NKAIN2: variants seen among roughly 807,000 people sequenced by gnomAD.
NKAIN2 encodes the protein sodium/potassium-transporting ATPase subunit beta-1-interacting protein 2.
In NKAIN2, 14 loss-of-function variants were observed where a neutral mutation model predicts 32.6. That is an observed-to-expected ratio of 0.43 (90% CI 0.28 to 0.67). The LOEUF is 0.67. Ranked by LOEUF, NKAIN2 falls within the 30% of genes least tolerant of loss-of-function variation. The probability of loss-of-function intolerance (pLI) is 0.17; values close to 1 mark genes in which losing one functional copy is unlikely to be tolerated. For synonymous variants in NKAIN2, 80 were observed against 87.2 expected, an observed-to-expected ratio of 0.92 and a Z score of 0.46; for missense variants, 198 against 258.3, an observed-to-expected ratio of 0.77 and a Z score of 1.60.
At chr6:123,884,414 CAT>C (rs1296889933) in intron 1 of NKAIN2, among the ~76,000 whole-genome samples, 1 of 152,018 alleles carries the variant, frequency 6.6e-6, no homozygotes, top group East Asian at 1.9e-4. Context: ...AGGAAACAAA[CAT>C]AGGAATAAAG....
chr6:124,784,784 C>T (rs777705563), intron 4 of NKAIN2, among the ~76,000 whole-genome samples: 11 of 151,920 alleles, frequency 7.2e-5, no homozygotes, highest in African/African-American at 1.2e-4. Flanking sequence ...ATGGTAGTTG[C>T]GTGTTTAGTT....
intron 4 of NKAIN2, among the ~76,000 whole-genome samples, chr6:124,679,194 C>T (rs1266137572): frequency 6.6e-6 from 1 of 152,136 alleles, no homozygotes; most frequent in Non-Finnish European, 1.5e-5. Context: ...AACTCTTTCC[C>T]TCCCCTGGAA....
At chr6:123,841,378 G>A (rs1017736343) in intron 1 of NKAIN2, among the ~76,000 whole-genome samples, 3 of 152,164 alleles carry the variant, frequency 2.0e-5, no homozygotes, top group Non-Finnish European at 4.4e-5. Flanking sequence ...TCAGAGTATA[G>A]TATATGTGTT....
At chr6:123,951,118 G>A (rs558511220) in intron 1 of NKAIN2, among the ~76,000 whole-genome samples, 1 of 151,998 alleles carries the variant, frequency 6.6e-6, no homozygotes, top group Non-Finnish European at 1.5e-5. Context: ...TGTGTTCTGA[G>A]AAGATACTTG....
chr6:124,013,758 G>A (rs73559102), intron 1 of NKAIN2, among the ~76,000 whole-genome samples: 2,926 of 152,246 alleles, frequency 0.019, 95 homozygotes, highest in African/African-American at 0.065. Flanking sequence ...GTCTGTAAAT[G>A]CAGAAACTCT....
At chr6:124,424,536 T>C (rs1774899408) in intron 3 of NKAIN2, among the ~76,000 whole-genome samples, 1 of 152,146 alleles carries the variant, frequency 6.6e-6, no homozygotes, top group South Asian at 2.1e-4. Flanking sequence ...TTTTATACCC[T>C]TTAACCAACA....
At chr6:124,319,263 T>C (rs1797078496) in intron 2 of NKAIN2, among the ~76,000 whole-genome samples, 1 of 152,160 alleles carries the variant, frequency 6.6e-6, no homozygotes, top group Non-Finnish European at 1.5e-5. Flanking sequence ...TCAAGCTCAC[T>C]TCTATTTCCA....
At chr6:123,916,869 C>T (rs1490731967) in intron 1 of NKAIN2, among the ~76,000 whole-genome samples, 3 of 151,502 alleles carry the variant, frequency 2.0e-5, no homozygotes, top group Non-Finnish European at 4.4e-5. Context: ...TGTCATCTAC[C>T]TACCTACCTA....
At chr6:124,637,130 A>C (rs187513396) in intron 3 of NKAIN2, among the ~76,000 whole-genome samples, 16 of 152,234 alleles carry the variant, frequency 1.1e-4, no homozygotes, top group African/African-American at 3.8e-4. Flanking sequence ...AGAAGTAAGG[A>C]CAAGAACCAC....
At chr6:124,615,712 G>A (rs1036230444) in intron 3 of NKAIN2, among the ~76,000 whole-genome samples, 3 of 151,960 alleles carry the variant, frequency 2.0e-5, no homozygotes, top group Admixed American at 2.0e-4. Context: ...CTCTTCTTTT[G>A]GGATTGCAAT....
intron 3 of NKAIN2, among the ~76,000 whole-genome samples, chr6:124,486,642 A>G (rs916243318): frequency 3.9e-5 from 6 of 152,176 alleles, no homozygotes; most frequent in African/African-American, 1.4e-4. Context: ...TGTTACTACA[A>G]TCAGTAAGTT....
At chr6:123,819,643 A>G (rs1314682606) in intron 1 of NKAIN2, among the ~76,000 whole-genome samples, 1 of 152,188 alleles carries the variant, frequency 6.6e-6, no homozygotes, top group East Asian at 1.9e-4. Context: ...AATTAAAGCA[A>G]CGCAACGGAA....
At chr6:124,439,570 A>T (rs1775604368) in intron 3 of NKAIN2, among the ~76,000 whole-genome samples, 1 of 151,640 alleles carries the variant, frequency 6.6e-6, no homozygotes, top group South Asian at 2.1e-4. Flanking sequence ...AATTATTTTA[A>T]TGTCTAGAAA....
chr6:124,681,322 C>A (rs1055576678), intron 4 of NKAIN2, among the ~76,000 whole-genome samples: 3 of 151,958 alleles, frequency 2.0e-5, no homozygotes, highest in African/African-American at 4.8e-5. Context: ...ATCCTTTCTA[C>A]CTCCCACTAA....
intron 1 of NKAIN2, among the ~76,000 whole-genome samples, chr6:124,069,406 G>A (rs2114875908): frequency 6.6e-6 from 1 of 152,188 alleles, no homozygotes; most frequent in South Asian, 2.1e-4. Context: ...TCATCCACTT[G>A]GGGCAGCCGG....
intron 1 of NKAIN2, among the ~76,000 whole-genome samples, chr6:123,901,185 T>A (rs1250751467): frequency 6.6e-6 from 1 of 152,186 alleles, no homozygotes; most frequent in South Asian, 2.1e-4. Flanking sequence ...CTAATTTTAT[T>A]TGTTTGTTCT....
At chr6:124,093,024 T>C (rs992116531) in intron 1 of NKAIN2, among the ~76,000 whole-genome samples, 1 of 152,082 alleles carries the variant, frequency 6.6e-6, no homozygotes, top group African/African-American at 2.4e-5. Context: ...AATTTTAAAG[T>C]CTTACAGTCC....
intron 3 of NKAIN2, among the ~76,000 whole-genome samples, chr6:124,613,568 A>G (rs1476609385): frequency 6.6e-6 from 1 of 152,172 alleles, no homozygotes; most frequent in East Asian, 1.9e-4. Context: ...CCCTAGTCTC[A>G]TATGCCATTT....
chr6:124,011,009 T>C (rs1277269676), intron 1 of NKAIN2, among the ~76,000 whole-genome samples: 1 of 152,198 alleles, frequency 6.6e-6, no homozygotes, highest in Admixed American at 6.5e-5. Context: ...CTCCACTTTT[T>C]TTTCTTTAAC....
Sources: allele counts gnomAD v4.1 joint callset (sites outside exome capture counted in the v4.1 genomes callset), GRCh38; gene constraint gnomAD v4.1.1; transcripts MANE v1.5; gene names NCBI Gene and HGNC (gene_info 2026-07-23, HGNC 2026-07-21).